The following CDPF1 variants were observed in gnomAD, a reference collection of about 807,000 sequenced individuals.
The protein encoded by CDPF1 is cysteine rich DPF motif domain containing 1.
CDPF1 carries 8 observed loss-of-function variants against 8.3 expected under a neutral mutation model. The ratio of observed to expected loss-of-function variants is 0.96; its 90% CI spans 0.57 to 1.74. CDPF1 has a LOEUF of 1.74. Ranked by LOEUF, CDPF1 falls within the 40% of genes most tolerant of loss-of-function variation. The probability of loss-of-function intolerance (pLI) is 0.00; values close to 1 mark genes in which losing one functional copy is unlikely to be tolerated. For synonymous variants in CDPF1, 62 were observed against 62.9 expected, an observed-to-expected ratio of 0.99 and a Z score of 0.07; for missense variants, 151 against 155.3, an observed-to-expected ratio of 0.97 and a Z score of 0.15.
At position 46,245,565 on chromosome 22, in the gene CDPF1, A is replaced by C. The variant is rs1197148468; in HGVS notation, c.226-327T>G. 6.6e-6 allele frequency among the ~76,000 whole-genome samples: 1 copy of C among 152,228 alleles called. No individual in the cohort carries two copies. Among genetic ancestry groups the C allele is most frequent in the Admixed American group, 6.5e-5 (1 of 15,284 alleles). On this transcript the variant is annotated intron_variant, in intron 3 of 3. Coordinates refer to ENST00000314567, the MANE Select transcript of CDPF1 (RefSeq NM_207327.5). The surrounding 1 kb of genome is among the most constrained non-coding windows in gnomAD (Gnocchi z 6.9). ...GCACAGGCCATGCCCCGAAAATCCC[A>C]GAGTCCTCCCGTCCCAGCTATCGCA...
rs1483068167 is a variant in CDPF1, at chr22:46,247,117, A to G, written c.218T>C (p.Val73Ala). 6.2e-7 allele frequency: 1 copy of G among 1,613,128 alleles called. No homozygotes were observed. The highest frequency in any genetic ancestry group is 1.1e-5 in the South Asian group (1 of 91,030). The change falls in exon 3 of 4, where the codon GTG becomes GCG. Residue 73 changes from valine to alanine, a missense_variant. Physicochemically the swap from Val to Ala is moderately conservative, Grantham distance 64. Coordinates refer to ENST00000314567, the MANE Select transcript of CDPF1 (RefSeq NM_207327.5). This position sits in a 1 kb window ranked among gnomAD's most constrained non-coding sequence, Gnocchi z 4.3. ...CCSLCSRLVC[V>A]GPECSLFYSK... is the part of the protein sequence containing the mutation. ...CCCACGCTGCTTACCCACCGGGCCCACACACACCAGCCTGCTGCACAAACT... is the reference window on the plus strand; with the variant it reads ...CCCACGCTGCTTACCCACCGGGCCCGCACACACCAGCCTGCTGCACAAACT...
At position 46,246,086 on chromosome 22, in the gene CDPF1, TTGGTGTCTGTCTGTTCTTA is replaced by T. The variant is rs1461870972; in HGVS notation, c.226-867_226-849del. ...TGCTTTACTTAGGCCACTCTTATTT[TTGGTGTCTGTCTGTTCTTA>T]AAGCTTAGTGTGCTCGCAAACATAA... On this transcript the variant is annotated intron_variant, in intron 3 of 3. Coordinates refer to ENST00000314567, the MANE Select transcript of CDPF1 (RefSeq NM_207327.5). The surrounding 1 kb of genome is among the most constrained non-coding windows in gnomAD (Gnocchi z 7.1). Among the ~76,000 whole-genome samples, 1 of 152,236 alleles carries T rather than the reference TTGGTGTCTGTCTGTTCTTA, an allele frequency of 6.6e-6. No individual in the cohort carries two copies. The highest frequency in any genetic ancestry group is 2.4e-5 in the African/African-American group (1 of 41,452).
Position 46,248,416 on chromosome 22 carries a change from T to G in CDPF1, c.1-132A>C. 4 of 586,700 alleles carry G rather than the reference T, an allele frequency of 6.8e-6. No homozygotes were observed. The highest frequency in any genetic ancestry group is 2.8e-5 in the East Asian group (1 of 35,308). 36.3% of individuals were successfully genotyped at this position (586,700 alleles called of 1,614,324 possible). A position where few individuals can be genotyped will look rare whatever the true frequency, so the allele number is the denominator to read the frequency against. ...TGCCTCCCTACCGTACCCTTTTCTC[T>G]ATCCCCAGCTGAAACAGGTTTTCAC... On this transcript the variant is annotated intron_variant, in intron 1 of 3. Coordinates refer to ENST00000314567, the MANE Select transcript of CDPF1 (RefSeq NM_207327.5). The surrounding 1 kb of genome is among the most constrained non-coding windows in gnomAD (Gnocchi z 4.1).
rs979626671 is a variant in CDPF1, at chr22:46,249,406, T to C, written c.-1+850A>G. 1.1e-4 allele frequency among the ~76,000 whole-genome samples: 16 copies of C among 152,206 alleles called. No homozygotes were observed. The highest frequency in any genetic ancestry group is 1.9e-4 in the East Asian group (1 of 5,182). On this transcript the variant is annotated intron_variant, in intron 1 of 3. Coordinates refer to ENST00000314567, the MANE Select transcript of CDPF1 (RefSeq NM_207327.5). This position sits in a 1 kb window ranked among gnomAD's most constrained non-coding sequence, Gnocchi z 4.6. ...GCTCATACCTGTAATCCCAGCACTCTGGTAGCCAGAGGCGGGCGGATTACC... is the reference window on the plus strand; with the variant it reads ...GCTCATACCTGTAATCCCAGCACTCCGGTAGCCAGAGGCGGGCGGATTACC...
Position 46,244,927 on chromosome 22 carries a change from T to C in CDPF1, c.*165A>G. On this transcript the variant is annotated 3_prime_UTR_variant, in exon 4 of 4. Coordinates refer to ENST00000314567, the MANE Select transcript of CDPF1 (RefSeq NM_207327.5). The surrounding 1 kb of genome is among the most constrained non-coding windows in gnomAD (Gnocchi z 6.7). ...CTCTTGCTACAGCTCCCTGGGCCTG[T>C]GGCTGCTCCAAGCTGGACTCCAGCT... 1 of 819,352 alleles carries C rather than the reference T, an allele frequency of 1.2e-6. No individual in the cohort carries two copies. The highest frequency in any genetic ancestry group is 1.9e-6 in the Non-Finnish European group (1 of 530,218). The allele number at this position is 819,352 out of a possible 1,614,324, so 50.8% of individuals were successfully genotyped here.
rs5767842 is a variant in CDPF1 at position 46,244,930 on chromosome 22, C to T, written c.*162G>A. On this transcript the variant is annotated 3_prime_UTR_variant, in exon 4 of 4. Coordinates refer to ENST00000314567, the MANE Select transcript of CDPF1 (RefSeq NM_207327.5). This position sits in a 1 kb window ranked among gnomAD's most constrained non-coding sequence, Gnocchi z 6.7. ...TTGCTACAGCTCCCTGGGCCTGTGGCTGCTCCAAGCTGGACTCCAGCTCCC... is the reference window on the plus strand; with the variant it reads ...TTGCTACAGCTCCCTGGGCCTGTGGTTGCTCCAAGCTGGACTCCAGCTCCC... 2.7e-4 allele frequency: 227 copies of T among 845,104 alleles called. 2 individuals carry two copies. The East Asian group carries it at 3.4e-3, about 13-fold the overall frequency. 52.4% of individuals were successfully genotyped at this position (845,104 alleles called of 1,614,324 possible).
chr22:46,250,093 C>G (rs966901718), intron 1 of CDPF1, among the ~76,000 whole-genome samples, 163 bp downstream of exon 1: 2 of 152,236 alleles, frequency 1.3e-5, no homozygotes, highest in African/African-American at 4.8e-5. Context: ...GCTTCTCGGT[C>G]CCGTCCCCAA....
Position 46,249,987 on chromosome 22 carries a change from C to T in CDPF1, c.-1+269G>A, listed in dbSNP as rs932319511. On this transcript the variant is annotated intron_variant, in intron 1 of 3. Transcript: ENST00000314567. The surrounding 1 kb of genome is among the most constrained non-coding windows in gnomAD (Gnocchi z 4.6). Reference sequence around the variant, plus strand: ...GTGAACAGGGACGGCTGAGAGGGTCCGGGGATGCTGGTGGTCCCCGCGAGC... The same window carrying T: ...GTGAACAGGGACGGCTGAGAGGGTCTGGGGATGCTGGTGGTCCCCGCGAGC... 9.9e-5 allele frequency among the ~76,000 whole-genome samples: 15 copies of T among 152,220 alleles called. No individual in the cohort carries two copies. Among genetic ancestry groups the T allele is most frequent in the South Asian group, 2.1e-4 (1 of 4,836 alleles).
In CDPF1 at chr22:46,246,237, C is replaced by T. The variant is rs751521727; in HGVS notation, c.225+873G>A. On this transcript the variant is annotated intron_variant, in intron 3 of 3. Coordinates refer to ENST00000314567, the MANE Select transcript of CDPF1 (RefSeq NM_207327.5). This position sits in a 1 kb window ranked among gnomAD's most constrained non-coding sequence, Gnocchi z 7.1. ...GCTGCAGACTTGTGGTACCTGCGTG[C>T]GCCCCCCACCCCCGCCACCCCGCTG... Among the ~76,000 whole-genome samples the T allele has an allele frequency of 1.2e-4, 18 of 152,098 alleles. No homozygotes were observed. The highest frequency in any genetic ancestry group is 3.4e-4 in the African/African-American group (14 of 41,402).
rs1271540376 is a variant in CDPF1, at chr22:46,245,493, G to A, written c.226-255C>T. 6.6e-6 allele frequency among the ~76,000 whole-genome samples: 1 copy of A among 152,206 alleles called. No individual in the cohort carries two copies. The highest frequency in any genetic ancestry group is 2.4e-5 in the African/African-American group (1 of 41,456). ...TGGGATGGGACAGAAAGACTCTGGG[G>A]CCTGCTCTGCTCCATCACGGGGCAG... is the stretch of plus-strand genomic sequence containing the variant. On this transcript the variant is annotated intron_variant, in intron 3 of 3. Transcript: ENST00000314567. The surrounding 1 kb of genome is among the most constrained non-coding windows in gnomAD (Gnocchi z 6.9).
At position 46,248,330 on chromosome 22, in the gene CDPF1, A is replaced by C; in HGVS notation, c.1-46T>G. On this transcript the variant is annotated intron_variant, in intron 1 of 3. Transcript: ENST00000314567. The surrounding 1 kb of genome is among the most constrained non-coding windows in gnomAD (Gnocchi z 4.1). ...GTGTCCCTGGGTCACAGGCTTTCTC[A>C]GGAATCCTGCCCCTTTCCCAGCTAT... 65 of 1,257,832 alleles carry C rather than the reference A, an allele frequency of 5.2e-5. No individual in the cohort carries two copies. Among genetic ancestry groups the C allele is most frequent in the Non-Finnish European group, 6.6e-5 (57 of 867,606 alleles). The allele number at this position is 1,257,832 out of a possible 1,614,324, so 77.9% of individuals were successfully genotyped here.
At position 46,246,451 on chromosome 22, in the gene CDPF1, T is replaced by C. The variant is rs569560774; in HGVS notation, c.225+659A>G. On this transcript the variant is annotated intron_variant, in intron 3 of 3. Coordinates refer to ENST00000314567, the MANE Select transcript of CDPF1 (RefSeq NM_207327.5). This position sits in a 1 kb window ranked among gnomAD's most constrained non-coding sequence, Gnocchi z 7.1. ...CTGGCCCATCTCGTCCCCCTGGCTATTGATACAGCTCCCCTTTGTGTGTGT... is the reference window on the plus strand; with the variant it reads ...CTGGCCCATCTCGTCCCCCTGGCTACTGATACAGCTCCCCTTTGTGTGTGT... Among the ~76,000 whole-genome samples, 403 of 152,282 alleles carry C rather than the reference T, an allele frequency of 2.6e-3. 1 individual carries two copies. In the Middle Eastern group the frequency reaches 0.027, roughly 10 times the overall value.
Position 46,245,352 on chromosome 22 carries a change from C to T in CDPF1, c.226-114G>A. On this transcript the variant is annotated intron_variant, in intron 3 of 3. Coordinates refer to ENST00000314567, the MANE Select transcript of CDPF1 (RefSeq NM_207327.5). This position sits in a 1 kb window ranked among gnomAD's most constrained non-coding sequence, Gnocchi z 6.9. Reference sequence around the variant, plus strand: ...GGCTGGGCTGGGGCCCCAGCATGCACAGTGTGGGCAGGTGGCCAGAGCTAG... The same window carrying T: ...GGCTGGGCTGGGGCCCCAGCATGCATAGTGTGGGCAGGTGGCCAGAGCTAG... 1 of 1,106,498 alleles carries T rather than the reference C, an allele frequency of 9.0e-7. No individual in the cohort carries two copies. Among genetic ancestry groups the T allele is most frequent in the Non-Finnish European group, 1.3e-6 (1 of 775,830 alleles). The allele number at this position is 1,106,498 out of a possible 1,614,324, so 68.5% of individuals were successfully genotyped here.
chr22:46,249,027 C>G lies in CDPF1; in HGVS notation c.1-743G>C, dbSNP rs1452609443. Reference sequence around the variant, plus strand: ...GCGAGACTCCATCTCAAAAAACAAACAAACAAAAAAACTGTTTTCTTATCT... The same window carrying G: ...GCGAGACTCCATCTCAAAAAACAAAGAAACAAAAAAACTGTTTTCTTATCT... On this transcript the variant is annotated intron_variant, in intron 1 of 3. Coordinates refer to ENST00000314567, the MANE Select transcript of CDPF1 (RefSeq NM_207327.5). The surrounding 1 kb of genome is among the most constrained non-coding windows in gnomAD (Gnocchi z 4.6). Among the ~76,000 whole-genome samples the G allele has an allele frequency of 1.3e-5, 2 of 151,516 alleles. No individual in the cohort carries two copies. The highest frequency in any genetic ancestry group is 2.4e-5 in the African/African-American group (1 of 41,324).
In CDPF1 at chr22:46,248,152, C is replaced by T. The variant is rs1258949556; in HGVS notation, c.113+20G>A. ...TGGGCACAGGCCTCCCCGGCACTGGCCCAAAAGGCATGCACTCACACCATC... is the reference window on the plus strand; with the variant it reads ...TGGGCACAGGCCTCCCCGGCACTGGTCCAAAAGGCATGCACTCACACCATC... On this transcript the variant is annotated intron_variant, in intron 2 of 3. Coordinates refer to ENST00000314567, the MANE Select transcript of CDPF1 (RefSeq NM_207327.5). This position sits in a 1 kb window ranked among gnomAD's most constrained non-coding sequence, Gnocchi z 4.1. 6.3e-7 allele frequency: 1 copy of T among 1,581,102 alleles called. No individual in the cohort carries two copies. The highest frequency in any genetic ancestry group is 2.2e-5 in the East Asian group (1 of 44,676).
At position 46,246,870 on chromosome 22, in the gene CDPF1, C is replaced by A. The variant is rs1320064766; in HGVS notation, c.225+240G>T. 5.2e-6 allele frequency: 8 copies of A among 1,528,892 alleles called. No homozygotes were observed. Among genetic ancestry groups the A allele is most frequent in the South Asian group, 1.2e-5 (1 of 81,276 alleles). 94.7% of individuals were successfully genotyped at this position (1,528,892 alleles called of 1,614,324 possible). On this transcript the variant is annotated intron_variant, in intron 3 of 3. Transcript: ENST00000314567. The surrounding 1 kb of genome is among the most constrained non-coding windows in gnomAD (Gnocchi z 7.1). ...CACTGTTGGTGGGAAGGGGAGGAAC[C>A]CTGAGGGGCCACTGGGGTGGGTGCA...
In CDPF1 at chr22:46,246,901, A is replaced by T; in HGVS notation, c.225+209T>A. On this transcript the variant is annotated intron_variant, in intron 3 of 3. Transcript: ENST00000314567. The surrounding 1 kb of genome is among the most constrained non-coding windows in gnomAD (Gnocchi z 7.1). ...GGGCCACTGGGGTGGGTGCAGAGCC[A>T]CCAATTACCTATTTCCATTCCTACA... is the stretch of plus-strand genomic sequence containing the variant. The T allele has an allele frequency of 6.8e-7, 1 of 1,472,526 alleles. No homozygotes were observed. Among genetic ancestry groups the T allele is most frequent in the East Asian group, 2.5e-5 (1 of 40,384 alleles). 91.2% of individuals were successfully genotyped at this position (1,472,526 alleles called of 1,614,324 possible).
intron 1 of CDPF1, 115 bp downstream of exon 1, chr22:46,250,141 C>T (rs1936556318): frequency 6.6e-6 from 1 of 152,494 alleles, no homozygotes; most frequent in Non-Finnish European, 1.5e-5. Flanking sequence ...GCGCTTGGAA[C>T]CCAGCAGGCC....
Position 46,248,164 on chromosome 22 carries a change from G to A in CDPF1, c.113+8C>T. 6.2e-7 allele frequency: 1 copy of A among 1,602,044 alleles called. No homozygotes were observed. Among genetic ancestry groups the A allele is most frequent in the Non-Finnish European group, 8.5e-7 (1 of 1,170,016 alleles). On this transcript the variant is annotated splice_region_variant and intron_variant, in intron 2 of 3. Transcript: ENST00000314567. The surrounding 1 kb of genome is among the most constrained non-coding windows in gnomAD (Gnocchi z 4.1). ...TCCCCGGCACTGGCCCAAAAGGCATGCACTCACACCATCGACTGGGTGTTG... is the reference window on the plus strand; with the variant it reads ...TCCCCGGCACTGGCCCAAAAGGCATACACTCACACCATCGACTGGGTGTTG...
Sources: gnomAD v4.1 joint callset for allele counts (sites outside exome capture counted in the v4.1 genomes callset) on GRCh38, gnomAD v4.1.1 for gene constraint, Gnocchi (gnomAD v3.1) non-coding constraint, MANE v1.5 for transcripts, NCBI Gene and HGNC (gene_info 2026-07-23, HGNC 2026-07-21) for gene names.